The following MAP3K1 variants were observed in gnomAD, a reference collection of about 807,000 sequenced individuals.
MAP3K1 encodes the protein MAP/ERK kinase kinase 1.
A neutral mutation model predicts 144.2 loss-of-function variants in MAP3K1; 36 were observed. The observed-to-expected ratio is 0.25, with a 90% CI of 0.19 to 0.33. The LOEUF (loss-of-function observed/expected upper bound fraction) is 0.33, where lower values mean the gene tolerates loss of function less well. Among genes scored for constraint, MAP3K1 ranks in the 10% least tolerant of loss-of-function variants. The probability of loss-of-function intolerance (pLI) is 1.00; values close to 1 mark genes in which losing one functional copy is unlikely to be tolerated. For missense variants in MAP3K1, 1,650 were observed against 1,881.9 expected, an observed-to-expected ratio of 0.88 and a Z score of 2.28; for synonymous variants, 718 against 688.7, an observed-to-expected ratio of 1.04 and a Z score of -0.67.
In MAP3K1 at chr5:56,895,262, C is replaced by T. The variant is rs1025889609; in HGVS notation, c.*1582C>T. On this transcript the variant is annotated 3_prime_UTR_variant, in exon 20 of 20. Coordinates refer to ENST00000399503, the MANE Select transcript of MAP3K1 (RefSeq NM_005921.2). ...ATGTTTCTTAGTGAAATTTTACATT[C>T]CTTTGTTTTGGAAGATTGGCGATAT... 4 of 231,826 alleles carry T rather than the reference C, an allele frequency of 1.7e-5. No homozygotes were observed. Among genetic ancestry groups the T allele is most frequent in the African/African-American group, 8.9e-5 (4 of 45,194 alleles). 14.4% of individuals were successfully genotyped at this position (231,826 alleles called of 1,614,324 possible). A position where few individuals can be genotyped will look rare whatever the true frequency, so the allele number is the denominator to read the frequency against.
chr5:56,844,172 TGTTTTTTTTG>T (rs1561173986), intron 1 of MAP3K1, among the ~76,000 whole-genome samples: 2 of 147,706 alleles, frequency 1.4e-5, no homozygotes, highest in African/African-American at 2.5e-5. Context: ...ATTATAGGAT[TGTTTTTTTTG>T]GTTTTTTTTT....
chr5:56,878,258 C>G (rs112811742), intron 10 of MAP3K1, among the ~76,000 whole-genome samples: 9 of 152,058 alleles, frequency 5.9e-5, no homozygotes, highest in African/African-American at 1.7e-4. Context: ...AAATGGTGCT[C>G]TCTTGGGCAC....
At chr5:56,847,674 AAGAAAGATGCCTTTTAATC>A (rs1322074531) in intron 1 of MAP3K1, among the ~76,000 whole-genome samples, 1 of 152,252 alleles carries the variant, frequency 6.6e-6, no homozygotes, top group East Asian at 1.9e-4. Flanking sequence ...ATTTGTGGTC[AAGAAAGATGCCTTTTAATC>A]ATAAAATAAT....
chr5:56,844,827 T>C (rs1177619051), intron 1 of MAP3K1, among the ~76,000 whole-genome samples: 1 of 152,124 alleles, frequency 6.6e-6, no homozygotes, highest in African/African-American at 2.4e-5. Context: ...CAGCATTCAT[T>C]GAACGGAGTG....
chr5:56,888,417 G>C, intron 19 of MAP3K1, 60 bp downstream of exon 19: 1 of 1,546,110 alleles, frequency 6.5e-7, no homozygotes, highest in East Asian at 2.3e-5. Flanking sequence ...AATTTGGCAG[G>C]AGGCAAATTT....
chr5:56,881,753 G>T lies in MAP3K1; in HGVS notation c.2553G>T (p.Arg851Ser). 1 of 1,614,124 alleles carries T rather than the reference G, an allele frequency of 6.2e-7. No homozygotes were observed. The highest frequency in any genetic ancestry group is 8.5e-7 in the Non-Finnish European group (1 of 1,180,030). The change falls in exon 14 of 20, where the codon AGG becomes AGT. Residue 851 changes from arginine (R) to serine (S), a missense_variant. This residue lies in a region of MAP3K1 where 841 missense variants were observed against 886.5 expected (regional missense o/e 0.95). Coordinates refer to ENST00000399503, the MANE Select transcript of MAP3K1 (RefSeq NM_005921.2). ...LSVSSSTHFT[R>S]MRRRLMAIAD... ...TTTCCAGTTCCACTCACTTCACCAG[G>T]ATGCGTCGCCGTTTGATGGCTATTG...
chr5:56,837,772 G>A (rs1001307731), intron 1 of MAP3K1, among the ~76,000 whole-genome samples: 5 of 152,332 alleles, frequency 3.3e-5, no homozygotes, highest in South Asian at 2.1e-4. Context: ...ACCCATTTCC[G>A]TCCTCACGGA....
At chr5:56,828,416 T>C (rs953693991) in intron 1 of MAP3K1, among the ~76,000 whole-genome samples, 3 of 152,236 alleles carry the variant, frequency 2.0e-5, no homozygotes, top group Non-Finnish European at 2.9e-5. Flanking sequence ...AAATTACTTC[T>C]TGTGGCTAAA....
intron 1 of MAP3K1, among the ~76,000 whole-genome samples, chr5:56,836,719 C>T (rs1722797861): frequency 6.6e-6 from 1 of 152,116 alleles, no homozygotes; most frequent in Non-Finnish European, 1.5e-5. Flanking sequence ...ACAGCTGCTT[C>T]AGCCTATTGT....
At chr5:56,817,510 T>C (rs1446063105) in intron 1 of MAP3K1, among the ~76,000 whole-genome samples, 2 of 152,242 alleles carry the variant, frequency 1.3e-5, no homozygotes, top group South Asian at 4.1e-4. Flanking sequence ...CTAAAAAATA[T>C]GCTTCGCACT....
chr5:56,856,221 C>A (rs1213877009), intron 1 of MAP3K1, among the ~76,000 whole-genome samples: 3 of 152,110 alleles, frequency 2.0e-5, no homozygotes, highest in Non-Finnish European at 4.4e-5. Context: ...TCAGCATATC[C>A]ACCAGATTCT....
intron 1 of MAP3K1, among the ~76,000 whole-genome samples, chr5:56,825,342 A>G (rs113502535): frequency 2.6e-5 from 4 of 152,164 alleles, no homozygotes; most frequent in Non-Finnish European, 5.9e-5. Flanking sequence ...ACCAAATTTC[A>G]AGTTTTGTAC....
At chr5:56,889,195 G>T (rs1448499803) in intron 19 of MAP3K1, among the ~76,000 whole-genome samples, 1 of 152,116 alleles carries the variant, frequency 6.6e-6, no homozygotes, top group Non-Finnish European at 1.5e-5. Context: ...TTGAGACAGA[G>T]TCTCGCTGCA....
At chr5:56,853,190 A>C (rs1443653022) in intron 1 of MAP3K1, among the ~76,000 whole-genome samples, 1 of 152,220 alleles carries the variant, frequency 6.6e-6, no homozygotes, top group Non-Finnish European at 1.5e-5. Context: ...AAATTATAAT[A>C]ACTTTTGATT....
At chr5:56,827,860 A>G (rs540034417) in intron 1 of MAP3K1, among the ~76,000 whole-genome samples, 1 of 149,226 alleles carries the variant, frequency 6.7e-6, no homozygotes, top group African/African-American at 2.5e-5. Context: ...CGAAAACTCC[A>G]TCTCAAAAAA....
rs768299742 is a variant in MAP3K1 at position 56,841,201 on chromosome 5, T to TA, written c.483-15399_483-15398insA. 1.2e-4 allele frequency among the ~76,000 whole-genome samples: 10 copies of TA among 85,992 alleles called. No individual in the cohort carries two copies. The South Asian group carries it at 2.1e-3, about 18-fold the overall frequency. The allele number at this position is 85,992 out of a possible 152,430, so 56.4% of individuals were successfully genotyped here. On this transcript the variant is annotated intron_variant, in intron 1 of 19. Transcript: ENST00000399503. The stretch of plus-strand genomic sequence containing the variant: ...GAAGAGAAATGTATGGCTTATTGAT[T>TA]TAAAAAAAAAAAAAACTAGACAGGT...
At chr5:56,890,848 A>G (rs1434344710) in intron 19 of MAP3K1, among the ~76,000 whole-genome samples, 1 of 151,658 alleles carries the variant, frequency 6.6e-6, no homozygotes, top group Non-Finnish European at 1.5e-5. Context: ...GGAGTTGGAG[A>G]GCAGCCTGGG....
chr5:56,828,257 T>A (rs1319611256), intron 1 of MAP3K1, among the ~76,000 whole-genome samples: 1 of 152,196 alleles, frequency 6.6e-6, no homozygotes, highest in African/African-American at 2.4e-5. Context: ...TTCTGTGATA[T>A]GGGATAAAGC....
At chr5:56,844,659 G>T (rs1304036532) in intron 1 of MAP3K1, among the ~76,000 whole-genome samples, 1 of 152,034 alleles carries the variant, frequency 6.6e-6, no homozygotes. Context: ...ACTGTTTATG[G>T]GATGTTAAAT....
Sources: gnomAD v4.1 joint callset for allele counts (sites outside exome capture counted in the v4.1 genomes callset) on GRCh38, gnomAD v4.1.1 for gene constraint, gnomAD v4.1.1 regional missense constraint, MANE v1.5 for transcripts, NCBI Gene and HGNC (gene_info 2026-07-23, HGNC 2026-07-21) for gene names.